Variants in LHFPL4 observed in about 807,000 individuals in gnomAD.
LHFPL4 encodes LHFPL tetraspan subfamily member 4 protein.
LHFPL4 carries 6 observed loss-of-function variants against 20.0 expected under a neutral mutation model. The ratio of observed to expected loss-of-function variants is 0.30; its 90% CI spans 0.16 to 0.59. The LOEUF (loss-of-function observed/expected upper bound fraction) is 0.59. LHFPL4 is among the 20% of genes least tolerant of loss of function. The pLI is 0.88. For missense variants in LHFPL4, 215 were observed against 331.2 expected, an observed-to-expected ratio of 0.65 and a Z score of 2.72; for synonymous variants, 129 against 143.8, an observed-to-expected ratio of 0.90 and a Z score of 0.74.
At chr3:9,536,740 T>C (rs184402712) in intron 2 of LHFPL4, among the ~76,000 whole-genome samples, 11 of 151,824 alleles carry the variant, frequency 7.2e-5, no homozygotes, top group African/African-American at 1.9e-4. Context: ...AATGGGAGGA[T>C]TGCTTGAGGC....
rs562551749 is a variant in LHFPL4 at position 9,505,132 on chromosome 3, C to G, written c.643+835G>C. Among the ~76,000 whole-genome samples, 25 of 152,320 alleles carry G rather than the reference C, an allele frequency of 1.6e-4. No homozygotes were observed. In the South Asian group the frequency reaches 5.0e-3, roughly 30 times the overall value. On this transcript the variant is annotated intron_variant, in intron 3 of 3. Coordinates refer to ENST00000287585, the MANE Select transcript of LHFPL4 (RefSeq NM_198560.3). ...TACAGTGAAGCTGCAGCCACCAGCG[C>G]CCTTGAACGCTTCTCATGGGTTTGT... is the stretch of plus-strand genomic sequence containing the variant.
intron 2 of LHFPL4, among the ~76,000 whole-genome samples, chr3:9,528,644 C>A (rs2046389761): frequency 6.6e-6 from 1 of 152,190 alleles, no homozygotes; most frequent in African/African-American, 2.4e-5. Context: ...GAGACGGAGT[C>A]TTGCTCTGTC....
At chr3:9,551,995 G>A (rs2046557963) in intron 2 of LHFPL4, among the ~76,000 whole-genome samples, 1 of 151,962 alleles carries the variant, frequency 6.6e-6, no homozygotes, top group African/African-American at 2.4e-5. Flanking sequence ...GAGACCCTTA[G>A]AGACACTAAC....
In LHFPL4 at chr3:9,506,678, T is replaced by C. The variant is rs1000686275; in HGVS notation, c.407-475A>G. Among the ~76,000 whole-genome samples, 3 of 151,838 alleles carry C rather than the reference T, an allele frequency of 2.0e-5. No individual in the cohort carries two copies. The highest frequency in any genetic ancestry group is 7.3e-5 in the African/African-American group (3 of 41,304). On this transcript the variant is annotated intron_variant, in intron 2 of 3. Transcript: ENST00000287585. The surrounding 1 kb of genome is among the most constrained non-coding windows in gnomAD (Gnocchi z 4.5). The stretch of plus-strand genomic sequence containing the variant: ...TCACTGTAACCTCCACCTCCCGGGC[T>C]CAAGCAATTCTCCTGCCTCAGCCTC...
At chr3:9,507,235 A>G (rs1405681479) in intron 2 of LHFPL4, among the ~76,000 whole-genome samples, 1 of 152,234 alleles carries the variant, frequency 6.6e-6, no homozygotes, top group East Asian at 1.9e-4. Context: ...GCACTAGACC[A>G]GGCCTGCGGG....
chr3:9,526,011 T>C (rs1345474747), intron 2 of LHFPL4, among the ~76,000 whole-genome samples: 1 of 152,176 alleles, frequency 6.6e-6, no homozygotes, highest in African/African-American at 2.4e-5. Context: ...AAGTAGGGGA[T>C]GGTATATACA....
At chr3:9,525,893 C>T (rs2046371573) in intron 2 of LHFPL4, among the ~76,000 whole-genome samples, 1 of 152,116 alleles carries the variant, frequency 6.6e-6, no homozygotes, top group Admixed American at 6.6e-5. Flanking sequence ...ATGAGTCTGA[C>T]CTAGCCTTCC....
intron 2 of LHFPL4, among the ~76,000 whole-genome samples, chr3:9,527,012 A>C (rs886347854): frequency 5.3e-5 from 8 of 152,110 alleles, no homozygotes; most frequent in African/African-American, 1.7e-4. Flanking sequence ...GAAGGAAGGA[A>C]GAGAAGGAGG....
chr3:9,531,081 G>T (rs1214216172), intron 2 of LHFPL4, among the ~76,000 whole-genome samples: 2 of 152,158 alleles, frequency 1.3e-5, no homozygotes, highest in African/African-American at 4.8e-5. Flanking sequence ...ATCAAAATAC[G>T]CACATTTATT....
At chr3:9,522,858 A>G (rs1437545416) in intron 2 of LHFPL4, among the ~76,000 whole-genome samples, 3 of 151,172 alleles carry the variant, frequency 2.0e-5, no homozygotes, top group African/African-American at 4.9e-5. Context: ...TGGCTAACAC[A>G]GTGAAACCCC....
At chr3:9,537,804 T>C (rs1022045449) in intron 2 of LHFPL4, among the ~76,000 whole-genome samples, 1 of 152,138 alleles carries the variant, frequency 6.6e-6, no homozygotes, top group African/African-American at 2.4e-5. Flanking sequence ...TCTCCCTCCA[T>C]ACGTTCTCCT....
intron 3 of LHFPL4, among the ~76,000 whole-genome samples, chr3:9,504,569 T>C (rs1408661070): frequency 6.6e-6 from 1 of 152,158 alleles, no homozygotes; most frequent in Admixed American, 6.5e-5. Context: ...CTCACACCTG[T>C]AATCCCAGCA....
rs564516472 is a variant in LHFPL4, at chr3:9,552,110, G to A, written c.406+164C>T. Among the ~76,000 whole-genome samples the A allele has an allele frequency of 3.3e-5, 5 of 151,578 alleles. No individual in the cohort carries two copies. The East Asian group carries it at 9.8e-4, about 30-fold the overall frequency. On this transcript the variant is annotated intron_variant, in intron 2 of 3. Transcript: ENST00000287585. ...CCCTGCCCTAAGGTGTCTCTCTGCA[G>A]CGTACCCCCTCCCCAATACCCACTG...
chr3:9,517,793 G>GTTTTTTTTTTTTTTT (rs201336018), intron 2 of LHFPL4, among the ~76,000 whole-genome samples: 6 of 124,418 alleles, frequency 4.8e-5, no homozygotes, highest in African/African-American at 8.6e-5. Flanking sequence ...AGGAGGTTGG[G>GTTTTTTTTTTTTTTT]TTTTTTTGTT....
In LHFPL4 at chr3:9,539,793, A is replaced by T. The variant is rs558804049; in HGVS notation, c.406+12481T>A. On this transcript the variant is annotated intron_variant, in intron 2 of 3. Transcript: ENST00000287585. ...GAAAAATGCCATTACATTGATTTTCAAAATTTAAGAAATGACAGTTTAAAA... is the reference window on the plus strand; with the variant it reads ...GAAAAATGCCATTACATTGATTTTCTAAATTTAAGAAATGACAGTTTAAAA... Among the ~76,000 whole-genome samples the T allele has an allele frequency of 3.9e-5, 6 of 152,248 alleles. No homozygotes were observed. In the East Asian group the frequency reaches 9.6e-4, roughly 24 times the overall value.
intron 2 of LHFPL4, among the ~76,000 whole-genome samples, chr3:9,516,859 C>T (rs2046306277): frequency 6.7e-6 from 1 of 149,632 alleles, no homozygotes; most frequent in Admixed American, 6.7e-5. Context: ...GGCTTACTTC[C>T]ACCTCCACCA....
intron 2 of LHFPL4, among the ~76,000 whole-genome samples, chr3:9,525,512 T>G (rs1256070607): frequency 6.6e-6 from 1 of 152,222 alleles, no homozygotes; most frequent in East Asian, 1.9e-4. Flanking sequence ...TGTTTATTTT[T>G]CAGTTTGTTT....
At chr3:9,514,608 T>C (rs189116631) in intron 2 of LHFPL4, among the ~76,000 whole-genome samples, 1 of 152,350 alleles carries the variant, frequency 6.6e-6, no homozygotes, top group African/African-American at 2.4e-5. Flanking sequence ...CATTGTAGCA[T>C]ATCATACAGA....
rs2125655350 is a variant in LHFPL4 at position 9,506,329 on chromosome 3, A to G, written c.407-126T>C. On this transcript the variant is annotated intron_variant, in intron 2 of 3. Coordinates refer to ENST00000287585, the MANE Select transcript of LHFPL4 (RefSeq NM_198560.3). The surrounding 1 kb of genome is among the most constrained non-coding windows in gnomAD (Gnocchi z 4.5). ...ACATCAACCCAACCACGTGCTTGTT[A>G]CCCACTTCCACAGAGGGAGAAAGAG... The G allele has an allele frequency of 1.4e-6, 1 of 701,632 alleles. No individual in the cohort carries two copies. Among genetic ancestry groups the G allele is most frequent in the East Asian group, 2.5e-5 (1 of 39,682 alleles). 43.5% of individuals were successfully genotyped at this position (701,632 alleles called of 1,614,324 possible). A position where few individuals can be genotyped will look rare whatever the true frequency, so the allele number is the denominator to read the frequency against.
Sources: gnomAD v4.1 joint callset for allele counts (sites outside exome capture counted in the v4.1 genomes callset) on GRCh38, gnomAD v4.1.1 for gene constraint, Gnocchi (gnomAD v3.1) non-coding constraint, MANE v1.5 for transcripts, NCBI Gene and HGNC (gene_info 2026-07-23, HGNC 2026-07-21) for gene names.